The following MYO9A variants were observed in gnomAD, a reference collection of about 807,000 sequenced individuals.
MYO9A encodes the protein myosin IXA.
Under a neutral mutation model 293.3 loss-of-function variants are expected in MYO9A, and 103 were observed. That is an observed-to-expected ratio of 0.35 (90% confidence interval 0.30 to 0.41). The LOEUF (loss-of-function observed/expected upper bound fraction) is 0.41. MYO9A is among the 10% of genes least tolerant of loss of function. The pLI, the probability that MYO9A is intolerant of heterozygous loss-of-function variation, is 1.00. For missense variants in MYO9A, 2,685 were observed against 3,033.0 expected (o/e 0.89, Z 2.69); for synonymous variants, 1,001 against 1,035.7 (o/e 0.97, Z 0.64).
In MYO9A at chr15:71,897,168, G is replaced by A. The variant is rs548610175; in HGVS notation, c.5042+293C>T. The A allele has an allele frequency of 1.8e-5, 5 of 279,558 alleles. No individual in the cohort carries two copies. In the South Asian group the frequency reaches 4.8e-4, roughly 27 times the overall value. 17.3% of individuals were successfully genotyped at this position (279,558 alleles called of 1,614,324 possible). ...CACAGCTGTAAAGCAACCAGTATTCGGTGAATGCCTACTATGTTTATAGGC... is the reference window on the plus strand; with the variant it reads ...CACAGCTGTAAAGCAACCAGTATTCAGTGAATGCCTACTATGTTTATAGGC... On this transcript the variant is annotated intron_variant, in intron 25 of 41. Coordinates refer to ENST00000356056, the MANE Select transcript of MYO9A (RefSeq NM_006901.4).
rs1193209478 is a variant in MYO9A at position 71,883,725 on chromosome 15, GCTCT to G, written c.5263_5266del (p.Arg1755LeufsTer3). On this transcript the variant is annotated frameshift_variant, in exon 28 of 42. Transcript: ENST00000356056. LOFTEE classifies it high-confidence loss of function. Reference sequence around the variant, plus strand: ...CCCTTTGGCCCAGAATCTCATCTTAGCTCTCTGAGGTCTGTTTAAAGAAATAAAG... The same window carrying G: ...CCCTTTGGCCCAGAATCTCATCTTAGCTGAGGTCTGTTTAAAGAAATAAAG... 6.2e-7 allele frequency: 1 copy of G among 1,610,480 alleles called. No homozygotes were observed. The highest frequency in any genetic ancestry group is 1.1e-5 in the South Asian group (1 of 90,366).
intron 1 of MYO9A, among the ~76,000 whole-genome samples, chr15:72,073,645 T>C (rs538597934): frequency 1.3e-5 from 2 of 152,252 alleles, no homozygotes; most frequent in South Asian, 4.2e-4. Flanking sequence ...TGGGGAGTTA[T>C]AAAAACAGAA....
intron 39 of MYO9A, chr15:71,847,354 C>A: frequency 2.4e-6 from 1 of 408,482 alleles, no homozygotes; most frequent in Non-Finnish European, 5.2e-6. Context: ...GGAACAATTC[C>A]TGGATGAACG....
intron 4 of MYO9A, among the ~76,000 whole-genome samples, chr15:72,021,301 A>C (rs1295017552): frequency 6.6e-6 from 1 of 152,228 alleles, no homozygotes; most frequent in East Asian, 1.9e-4. Context: ...ATCTGTCATA[A>C]TTAACCTTTT....
At chr15:71,991,270 A>C (rs764598388) in intron 10 of MYO9A, 33 bp from the exon 11 acceptor site, 2 of 1,507,514 alleles carry the variant, frequency 1.3e-6, no homozygotes, top group African/African-American at 2.8e-5. Context: ...GATTAAAAGT[A>C]ATGTTTAAAT....
chr15:71,843,353 G>A (rs866750499), intron 39 of MYO9A, among the ~76,000 whole-genome samples: 5 of 152,156 alleles, frequency 3.3e-5, no homozygotes, highest in African/African-American at 1.2e-4. Context: ...TGCTGGAACC[G>A]GGGAGGCGGA....
At chr15:71,981,742 C>T (rs1418823108) in intron 11 of MYO9A, among the ~76,000 whole-genome samples, 1 of 151,648 alleles carries the variant, frequency 6.6e-6, no homozygotes, top group Non-Finnish European at 1.5e-5. Context: ...TTGGTTGATC[C>T]TCTCCCATGG....
chr15:71,882,933 T>C (rs1479097990), intron 28 of MYO9A, among the ~76,000 whole-genome samples: 3 of 152,128 alleles, frequency 2.0e-5, no homozygotes, highest in African/African-American at 7.2e-5. Context: ...GCCTCCCAAG[T>C]AGCTGGGACT....
At chr15:72,062,078 A>T (rs2078894015) in intron 1 of MYO9A, among the ~76,000 whole-genome samples, 1 of 152,230 alleles carries the variant, frequency 6.6e-6, no homozygotes. Context: ...TGCCAGAACT[A>T]ACCCAGACCA....
intron 13 of MYO9A, among the ~76,000 whole-genome samples, chr15:71,962,831 C>A (rs1349392722): frequency 6.6e-6 from 1 of 152,150 alleles, no homozygotes; most frequent in African/African-American, 2.4e-5. Flanking sequence ...CTTTTCAATG[C>A]TGACTGTCAA....
At chr15:71,937,817 G>T (rs559327433) in intron 16 of MYO9A, among the ~76,000 whole-genome samples, 1 of 152,112 alleles carries the variant, frequency 6.6e-6, no homozygotes, top group East Asian at 1.9e-4. Context: ...AAGAAAATTG[G>T]GTTCCCATCT....
intron 1 of MYO9A, among the ~76,000 whole-genome samples, chr15:72,059,226 C>CGAG (rs1292889899): frequency 6.6e-6 from 1 of 152,076 alleles, no homozygotes; most frequent in Non-Finnish European, 1.5e-5. Context: ...TTAGGACAGG[C>CGAG]GAGACCCTGT....
chr15:71,891,862 A>G (rs2057188372), intron 26 of MYO9A: 1 of 152,218 alleles, frequency 6.6e-6, no homozygotes, highest in East Asian at 1.9e-4. Flanking sequence ...AGAAATTTCA[A>G]TTAATTAGAT....
intron 19 of MYO9A, among the ~76,000 whole-genome samples, chr15:71,913,879 G>A (rs543616942): frequency 0.011 from 948 of 83,214 alleles, 46 homozygotes; most frequent in Admixed American, 0.1. Flanking sequence ...AATGCCTCAT[G>A]TAATAAAAGG....
Position 71,887,994 on chromosome 15 carries a change from T to A in MYO9A, c.5255+10A>T, listed in dbSNP as rs2057071118. ...ATATAACCCCTGTTAACTCCGTGTA[T>A]ACTTTATACCTTATATCTGAATCTG... On this transcript the variant is annotated intron_variant, in intron 27 of 41. Transcript: ENST00000356056. 1 of 1,454,258 alleles carries A rather than the reference T, an allele frequency of 6.9e-7. No individual in the cohort carries two copies. The highest frequency in any genetic ancestry group is 1.8e-5 in the Admixed American group (1 of 55,378). 90.1% of individuals were successfully genotyped at this position (1,454,258 alleles called of 1,614,324 possible).
intron 27 of MYO9A, among the ~76,000 whole-genome samples, chr15:71,887,092 C>T (rs773001618): frequency 6.6e-6 from 1 of 152,100 alleles, no homozygotes; most frequent in African/African-American, 2.4e-5. Context: ...AGAATTATCT[C>T]CTGAAAGGCC....
At chr15:71,985,788 T>C (rs151170637) in intron 11 of MYO9A, among the ~76,000 whole-genome samples, 1 of 152,300 alleles carries the variant, frequency 6.6e-6, no homozygotes, top group African/African-American at 2.4e-5. Flanking sequence ...TTGTTGAAGT[T>C]TTTTGGTTGT....
chr15:72,091,537 T>C (rs1263004302), intron 1 of MYO9A, among the ~76,000 whole-genome samples: 1 of 152,092 alleles, frequency 6.6e-6, no homozygotes, highest in African/African-American at 2.4e-5. Flanking sequence ...AAAGTCAAAC[T>C]CTGCTATTTA....
chr15:72,026,737 A>G (rs1051704859), intron 4 of MYO9A, among the ~76,000 whole-genome samples: 7 of 152,168 alleles, frequency 4.6e-5, no homozygotes, highest in Non-Finnish European at 1.0e-4. Flanking sequence ...AGAGAGAATC[A>G]AATTCAGGAG....
Sources: gnomAD v4.1 joint callset for allele counts (sites outside exome capture counted in the v4.1 genomes callset) on GRCh38, gnomAD v4.1.1 for gene constraint, MANE v1.5 for transcripts, NCBI Gene and HGNC (gene_info 2026-07-23, HGNC 2026-07-21) for gene names.